OR3A2: variants seen among roughly 807,000 people sequenced by gnomAD.
The protein encoded by OR3A2 is olfactory receptor 3A2.
For missense variants in OR3A2, 318 were observed against 392.8 expected, an observed-to-expected ratio of 0.81 and a Z score of 1.61; for synonymous variants, 126 against 159.3, an observed-to-expected ratio of 0.79 and a Z score of 1.57.
chr17:3,291,892 T>C (rs2048872650), intron 3 of OR3A2: 1 of 1,614,088 alleles, frequency 6.2e-7, no homozygotes, highest in African/African-American at 1.3e-5. Flanking sequence ...ACAGAGCGAA[T>C]TCGCAGGACT....
rs145909472 is a variant in OR3A2 at position 3,323,281 on chromosome 17, A to T, written c.-85+12752T>A. Among the ~76,000 whole-genome samples the T allele has an allele frequency of 4.2e-3, 632 of 151,390 alleles. 6 individuals are homozygous for T. Among genetic ancestry groups the T allele is most frequent in the Non-Finnish European group, 7.3e-3 (490 of 67,536 alleles). Reference sequence around the variant, plus strand: ...GTGTCTCTGCACGTGAGATGGGTTCAGCACACTAATGGGTCTTGACTCTTT... The same window carrying T: ...GTGTCTCTGCACGTGAGATGGGTTCTGCACACTAATGGGTCTTGACTCTTT... On this transcript the variant is annotated intron_variant, in intron 3 of 4. Coordinates refer to the OR3A2 transcript ENST00000573491.
chr17:3,282,219 C>G (rs550002146), intron 1 of OR3A2, among the ~76,000 whole-genome samples: 3 of 152,230 alleles, frequency 2.0e-5, no homozygotes, highest in African/African-American at 7.2e-5. Context: ...TTGACACCAT[C>G]CTGGCTAACA....
At chr17:3,377,697 C>G (rs764070307) in intron 2 of OR3A2, 2 of 152,208 alleles carry the variant, frequency 1.3e-5, no homozygotes, top group Non-Finnish European at 2.9e-5. Context: ...GAAAAGAAGA[C>G]TCTGAGGATA....
chr17:3,306,694 A>AAACAAAAC (rs1429072041), intron 3 of OR3A2, among the ~76,000 whole-genome samples: 2 of 118,226 alleles, frequency 1.7e-5, no homozygotes, highest in Non-Finnish European at 3.5e-5. Context: ...AAAAAAAAAA[A>AAACAAAAC]ACCGTAACCC....
chr17:3,276,573 C>T (rs61408732), downstream of OR3A2, among the ~76,000 whole-genome samples: 1,960 of 152,284 alleles, frequency 0.013, 32 homozygotes, highest in African/African-American at 0.044. Flanking sequence ...GGAAGGAAGA[C>T]AGGCATGCAT....
chr17:3,295,846 G>A (rs903868975), intron 3 of OR3A2, among the ~76,000 whole-genome samples: 2 of 152,076 alleles, frequency 1.3e-5, no homozygotes, highest in Admixed American at 1.3e-4. Context: ...TTTATAAGGG[G>A]TGCAAGAAGA....
At chr17:3,351,923 G>C (rs550105468) in intron 2 of OR3A2, among the ~76,000 whole-genome samples, 1 of 152,220 alleles carries the variant, frequency 6.6e-6, no homozygotes, top group South Asian at 2.1e-4. Context: ...AGAAAACCAA[G>C]CAATGGGGAA....
intron 2 of OR3A2, among the ~76,000 whole-genome samples, chr17:3,350,490 T>C (rs1417440044): frequency 1.3e-5 from 2 of 151,706 alleles, no homozygotes; most frequent in Non-Finnish European, 2.9e-5. Context: ...CAGGAAGAAG[T>C]TGAATCTCTG....
intron 2 of OR3A2, among the ~76,000 whole-genome samples, chr17:3,345,807 A>T (rs1378283730): frequency 6.6e-6 from 1 of 152,156 alleles, no homozygotes. Context: ...AATATTTTTT[A>T]AAATTTTTCC....
At chr17:3,355,623 G>T (rs1399319511) in intron 2 of OR3A2, among the ~76,000 whole-genome samples, 10 of 151,154 alleles carry the variant, frequency 6.6e-5, no homozygotes, top group Admixed American at 6.6e-4. Context: ...TTTGTCTAAT[G>T]TAAGTATAGC....
chr17:3,289,309 G>A (rs2048843173), upstream of OR3A2, among the ~76,000 whole-genome samples: 1 of 152,198 alleles, frequency 6.6e-6, no homozygotes, highest in Non-Finnish European at 1.5e-5. Context: ...TATAAAAGGG[G>A]AGAAAAATTC....
intron 3 of OR3A2, among the ~76,000 whole-genome samples, chr17:3,302,871 G>A (rs991568028): frequency 1.2e-4 from 19 of 152,258 alleles, no homozygotes; most frequent in South Asian, 2.1e-4. Flanking sequence ...ACTCAGTTCG[G>A]GCTAAAAGCG....
chr17:3,332,048 C>G (rs1354537477), intron 3 of OR3A2, among the ~76,000 whole-genome samples: 1 of 152,072 alleles, frequency 6.6e-6, no homozygotes, highest in East Asian at 1.9e-4. Flanking sequence ...GTCAGGGACC[C>G]ACTTGAGGAG....
intron 2 of OR3A2, among the ~76,000 whole-genome samples, chr17:3,365,886 G>C (rs2049558759): frequency 6.6e-6 from 1 of 152,208 alleles, no homozygotes; most frequent in Admixed American, 6.5e-5. Flanking sequence ...GGGGAAGGAA[G>C]ATCACAGCAT....
chr17:3,282,330 C>T (rs1196694190), intron 1 of OR3A2, among the ~76,000 whole-genome samples: 1 of 152,120 alleles, frequency 6.6e-6, no homozygotes. Context: ...CACTTGAACC[C>T]GGGAGGCGGA....
In OR3A2 at chr17:3,347,543, T is replaced by C. The variant is rs1372498508; in HGVS notation, c.-178-11417A>G. On this transcript the variant is annotated intron_variant, in intron 2 of 4. Coordinates refer to the OR3A2 transcript ENST00000573491. Reference sequence around the variant, plus strand: ...GTTTACTGAGAATGATGGTTTCCAATTTCATCCATGTCCCTACAAAGGACA... The same window carrying C: ...GTTTACTGAGAATGATGGTTTCCAACTTCATCCATGTCCCTACAAAGGACA... 2.0e-5 allele frequency among the ~76,000 whole-genome samples: 3 copies of C among 152,292 alleles called. No individual in the cohort carries two copies. The East Asian group carries it at 5.8e-4, about 29-fold the overall frequency.
chr17:3,318,802 T>C (rs913004425), intron 3 of OR3A2, among the ~76,000 whole-genome samples: 1 of 152,202 alleles, frequency 6.6e-6, no homozygotes, highest in Admixed American at 6.6e-5. Flanking sequence ...TTTATGAATA[T>C]TGACAAACTA....
chr17:3,322,448 T>C (rs1227206965), intron 3 of OR3A2, among the ~76,000 whole-genome samples: 1 of 152,228 alleles, frequency 6.6e-6, no homozygotes, highest in Non-Finnish European at 1.5e-5. Context: ...TCTCTAGTTC[T>C]TTTAATTGTG....
In OR3A2 at chr17:3,302,171, A is replaced by G. The variant is rs147255205; in HGVS notation, c.-84-23018T>C. Among the ~76,000 whole-genome samples the G allele has an allele frequency of 4.5e-3, 686 of 152,322 alleles. 5 individuals are homozygous for G. Among genetic ancestry groups the G allele is most frequent in the Middle Eastern group, 0.01 (3 of 294 alleles). ...AGCGTGAAAATGGCCATACTGCCCAAGGTAATTTATAGATTCAATGCCATC... is the reference window on the plus strand; with the variant it reads ...AGCGTGAAAATGGCCATACTGCCCAGGGTAATTTATAGATTCAATGCCATC... On this transcript the variant is annotated intron_variant, in intron 3 of 4. Coordinates refer to the OR3A2 transcript ENST00000573491.
Sources: allele counts gnomAD v4.1 joint callset (sites outside exome capture counted in the v4.1 genomes callset), GRCh38; gene constraint gnomAD v4.1.1; transcripts MANE v1.5; gene names NCBI Gene and HGNC (gene_info 2026-07-23, HGNC 2026-07-21).